ALPI: variants seen among roughly 807,000 people sequenced by gnomAD.
ALPI encodes intestinal-type alkaline phosphatase.
In ALPI, 50 loss-of-function variants were observed where a neutral mutation model predicts 51.5. That is an observed-to-expected ratio of 0.97 (90% CI 0.77 to 1.23). The LOEUF is 1.23. ALPI is among the 50% of genes most tolerant of loss of function. ALPI has a pLI of 0.00. For missense variants in ALPI, 692 were observed against 722.4 expected (o/e 0.96, Z 0.48); for synonymous variants, 322 against 308.2 (o/e 1.04, Z -0.47).
Position 232,457,085 on chromosome 2 carries a change from C to G in ALPI, c.475+12C>G. 6.2e-7 allele frequency: 1 copy of G among 1,613,332 alleles called. No individual in the cohort carries two copies. Among genetic ancestry groups the G allele is most frequent in the Non-Finnish European group, 8.5e-7 (1 of 1,179,912 alleles). ...GGCCAAGCAAGCAGGTGAGCTGGGG[C>G]CCGCTGTGGGGTCAGGACCAGGCCC... On this transcript the variant is annotated intron_variant, in intron 4 of 10. Transcript: ENST00000295463. The surrounding 1 kb of genome is among the most constrained non-coding windows in gnomAD (Gnocchi z 4.7).
At position 232,456,860 on chromosome 2, in the gene ALPI, T is replaced by C. The variant is rs1430003929; in HGVS notation, c.301-39T>C. ...CAGGTCCTTGGTTGGGGTCTGGGTG[T>C]CCGCCCCGAAGTAGAGCTCAGGGTG... On this transcript the variant is annotated intron_variant, in intron 3 of 10. Transcript: ENST00000295463. This position sits in a 1 kb window ranked among gnomAD's most constrained non-coding sequence, Gnocchi z 4.2. 4 of 1,609,552 alleles carry C rather than the reference T, an allele frequency of 2.5e-6. No individual in the cohort carries two copies. In the Admixed American group the frequency reaches 6.7e-5, roughly 27 times the overall value.
At position 232,458,846 on chromosome 2, in the gene ALPI, C is replaced by G. The variant is rs960716702; in HGVS notation, c.1301-14C>G. 2 of 1,609,642 alleles carry G rather than the reference C, an allele frequency of 1.2e-6. No homozygotes were observed. Among genetic ancestry groups the G allele is most frequent in the African/African-American group, 2.7e-5 (2 of 74,872 alleles). ...CCGCCTGCCTGCCCTGAAGTGCACT[C>G]ACCCTCCTACCAGGGAGCCCCGATT... On this transcript the variant is annotated splice_polypyrimidine_tract_variant and intron_variant, in intron 10 of 10. Coordinates refer to ENST00000295463, the MANE Select transcript of ALPI (RefSeq NM_001631.5).
chr2:232,459,142 CCT>C lies in ALPI; in HGVS notation c.1584_1585del (p.Ter529SerfsTer84). 3.3e-6 allele frequency: 5 copies of C among 1,530,688 alleles called. No homozygotes were observed. The highest frequency in any genetic ancestry group is 4.4e-6 in the Non-Finnish European group (5 of 1,144,092). 94.8% of individuals were successfully genotyped at this position (1,530,688 alleles called of 1,614,324 possible). A position where few individuals can be genotyped will look rare whatever the true frequency, so the allele number is the denominator to read the frequency against. ...CTGCTGCTGGGGGCGTCCGCTGCTC[CCT>C]GAGTGCCCCACTCCGGAGTTATCCT... On this transcript the variant is annotated frameshift_variant and stop_lost, in exon 11 of 11. Transcript: ENST00000295463. LOFTEE classifies it high-confidence loss of function.
Position 232,456,758 on chromosome 2 carries a change from G to A in ALPI, c.300+63G>A, listed in dbSNP as rs1289915657. ...GAGAGGGATCAAGGATATGGAGTGT[G>A]GCAGGAGGGAGGGAGCCAGGACAGC... On this transcript the variant is annotated intron_variant, in intron 3 of 10. Transcript: ENST00000295463. The surrounding 1 kb of genome is among the most constrained non-coding windows in gnomAD (Gnocchi z 4.2). 3 of 1,546,316 alleles carry A rather than the reference G, an allele frequency of 1.9e-6. No individual in the cohort carries two copies. The highest frequency in any genetic ancestry group is 2.7e-5 in the African/African-American group (2 of 73,232).
Position 232,456,307 on chromosome 2 carries a change from C to CTGTGGG in ALPI, c.67+41_68-41insTGTGGG. The CTGTGGG allele has an allele frequency of 6.2e-7, 1 of 1,614,150 alleles. No homozygotes were observed. On this transcript the variant is annotated intron_variant, in intron 1 of 10. Coordinates refer to ENST00000295463, the MANE Select transcript of ALPI (RefSeq NM_001631.5). The surrounding 1 kb of genome is among the most constrained non-coding windows in gnomAD (Gnocchi z 4.2). Reference sequence around the variant, plus strand: ...AAGCTGTTCCACACACAGGGCACCCCCTCAGCCAGGCTGACCTGATCTCTA... The same window carrying CTGTGGG: ...AAGCTGTTCCACACACAGGGCACCCCTGTGGGCTCAGCCAGGCTGACCTGATCTCTA...
rs147819122 is a variant in ALPI at position 232,458,887 on chromosome 2, C to A, written c.1328C>A (p.Ala443Glu). 1.9e-6 allele frequency: 3 copies of A among 1,610,276 alleles called. No homozygotes were observed. Among genetic ancestry groups the A allele is most frequent in the South Asian group, 1.1e-5 (1 of 90,868 alleles). ...SGSPDYQQQAAVPLSSETHGG... is the reference protein window; with the variant it reads ...SGSPDYQQQAEVPLSSETHGG... The stretch of plus-strand genomic sequence containing the variant: ...AGCCCCGATTACCAGCAGCAGGCGG[C>A]GGTGCCCCTGTCGTCCGAGACCCAC... The change falls in exon 11 of 11, where the codon GCG becomes GAG. Residue 443 changes from alanine (A) to glutamate (E), a missense_variant. Physicochemically the swap from Ala to Glu is moderately radical, Grantham distance 107 (BLOSUM62 -1). Coordinates refer to ENST00000295463, the MANE Select transcript of ALPI (RefSeq NM_001631.5).
chr2:232,458,885 G>C lies in ALPI; in HGVS notation c.1326G>C (p.Ala442=). 2 of 1,610,656 alleles carry C rather than the reference G, an allele frequency of 1.2e-6. No homozygotes were observed. Among genetic ancestry groups the C allele is most frequent in the African/African-American group, 2.7e-5 (2 of 75,022 alleles). ...ESGSPDYQQQ[A]AVPLSSETHG... ...GGAGCCCCGATTACCAGCAGCAGGC[G>C]GCGGTGCCCCTGTCGTCCGAGACCC... The change falls in exon 11 of 11, where the codon GCG becomes GCC. Residue 442 remains alanine, a synonymous_variant. Coordinates refer to ENST00000295463, the MANE Select transcript of ALPI (RefSeq NM_001631.5).
Position 232,458,199 on chromosome 2 carries a change from C to A in ALPI, c.992-18C>A, listed in dbSNP as rs562288246. On this transcript the variant is annotated intron_variant, in intron 8 of 10. Coordinates refer to ENST00000295463, the MANE Select transcript of ALPI (RefSeq NM_001631.5). ...GCAGGGCAGGTTCAAGCATCACCCC[C>A]CTCTGGCCTTCCTGCAGGCGGCCGC... is the stretch of plus-strand genomic sequence containing the variant. 1.2e-6 allele frequency: 2 copies of A among 1,613,930 alleles called. No individual in the cohort carries two copies. The highest frequency in any genetic ancestry group is 2.2e-5 in the East Asian group (1 of 44,872).
rs573063801 is a variant in ALPI, at chr2:232,457,104, C to G, written c.475+31C>G. Reference sequence around the variant, plus strand: ...CTGGGGCCCGCTGTGGGGTCAGGACCAGGCCCAAGATCTCGGTCACCGATC... The same window carrying G: ...CTGGGGCCCGCTGTGGGGTCAGGACGAGGCCCAAGATCTCGGTCACCGATC... On this transcript the variant is annotated intron_variant, in intron 4 of 10. Coordinates refer to ENST00000295463, the MANE Select transcript of ALPI (RefSeq NM_001631.5). The surrounding 1 kb of genome is among the most constrained non-coding windows in gnomAD (Gnocchi z 4.7). The G allele has an allele frequency of 2.3e-5, 37 of 1,613,330 alleles. No homozygotes were observed. The South Asian group carries it at 4.1e-4, about 18-fold the overall frequency.
chr2:232,456,868 G>T lies in ALPI; in HGVS notation c.301-31G>T, dbSNP rs546698962. 2 of 1,611,606 alleles carry T rather than the reference G, an allele frequency of 1.2e-6. No homozygotes were observed. The highest frequency in any genetic ancestry group is 2.2e-5 in the South Asian group (2 of 90,994). ...TGGTTGGGGTCTGGGTGTCCGCCCC[G>T]AAGTAGAGCTCAGGGTGTCTCCGTT... On this transcript the variant is annotated intron_variant, in intron 3 of 10. Coordinates refer to ENST00000295463, the MANE Select transcript of ALPI (RefSeq NM_001631.5). The surrounding 1 kb of genome is among the most constrained non-coding windows in gnomAD (Gnocchi z 4.2).
rs771730709 is a variant in ALPI, at chr2:232,456,969, C to G, written c.371C>G (p.Ala124Gly). ...ACGGCCTACCTGTGCGGGGTCAAGG[C>G]CAACTTCCAGACCATCGGCTTGAGT... ...TATAYLCGVK[A>G]NFQTIGLSAA... Residue 124 changes from alanine (A) to glycine (G), a missense_variant, in exon 4 of 11, where the codon GCC becomes GGC. Ala to Gly is a moderately conservative substitution (Grantham distance 60, BLOSUM62 0). Transcript: ENST00000295463. The surrounding 1 kb of genome is among the most constrained non-coding windows in gnomAD (Gnocchi z 4.2). 3.5e-5 allele frequency: 57 copies of G among 1,613,764 alleles called. No homozygotes were observed. The Middle Eastern group carries it at 1.2e-3, about 33-fold the overall frequency.
Position 232,458,646 on chromosome 2 carries a change from A to G in ALPI, c.1198A>G (p.Lys400Glu). ...TCTCCCTACAGGGTTGGCCCCCAGC[A>G]AGGCTCAGGACAGCAAAGCCTACAC... ...GSSIFGLAPSKAQDSKAYTSI... is the reference protein window; with the variant it reads ...GSSIFGLAPSEAQDSKAYTSI... The change falls in exon 10 of 11, where the codon AAG (lysine) becomes GAG (glutamate). Residue 400 changes from lysine (K) to glutamate (E), a missense_variant. By Grantham distance (56) the Lys-to-Glu change is moderately conservative. Transcript: ENST00000295463. 6.2e-7 allele frequency: 1 copy of G among 1,613,892 alleles called. No individual in the cohort carries two copies. The highest frequency in any genetic ancestry group is 1.3e-5 in the African/African-American group (1 of 75,040).
chr2:232,457,401 G>C lies in ALPI; in HGVS notation c.648+79G>C. 1 of 1,555,948 alleles carries C rather than the reference G, an allele frequency of 6.4e-7. No individual in the cohort carries two copies. The highest frequency in any genetic ancestry group is 8.7e-7 in the Non-Finnish European group (1 of 1,151,866). The stretch of plus-strand genomic sequence containing the variant: ...CTCAGATCCAGGCAACCAAAAGCCT[G>C]ATCTGGGTCAGCAGGTTCTGGAGGT... On this transcript the variant is annotated intron_variant, in intron 5 of 10. Transcript: ENST00000295463. The surrounding 1 kb of genome is among the most constrained non-coding windows in gnomAD (Gnocchi z 4.7).
rs202195901 is a variant in ALPI, at chr2:232,458,978, G to A, written c.1419G>A (p.Glu473=). 1,508 of 1,588,312 alleles carry A rather than the reference G, an allele frequency of 9.5e-4. 19 individuals are homozygous for A. Among genetic ancestry groups the A allele is most frequent in the Non-Finnish European group, 1.2e-4 (139 of 1,167,834 alleles). Reference sequence around the variant, plus strand: ...CGCACCTGGTGCATGGTGTGCAGGAGCAGAGCTTCGTAGCGCATGTCATGG... The same window carrying A: ...CGCACCTGGTGCATGGTGTGCAGGAACAGAGCTTCGTAGCGCATGTCATGG... ...PQAHLVHGVQ[E]QSFVAHVMAF... Residue 473 remains glutamate (E), a synonymous_variant, in exon 11 of 11, where the codon GAG becomes GAA. Transcript: ENST00000295463.
In ALPI at chr2:232,456,379, G is replaced by T. The variant is rs61732026; in HGVS notation, c.98G>T (p.Arg33Leu). The change falls in exon 2 of 11, where the codon CGC becomes CTC. Residue 33 changes from arginine (R) to leucine (L), a missense_variant. Coordinates refer to ENST00000295463, the MANE Select transcript of ALPI (RefSeq NM_001631.5). The surrounding 1 kb of genome is among the most constrained non-coding windows in gnomAD (Gnocchi z 4.2). ...AEEENPAFWN[R>L]QAAEALDAAK... The stretch of plus-strand genomic sequence containing the variant: ...GAGGAGAACCCGGCCTTCTGGAACC[G>T]CCAGGCAGCTGAGGCCCTGGATGCT... 2,308 of 1,614,020 alleles carry T rather than the reference G, an allele frequency of 1.4e-3. 22 individuals carry two copies. The African/African-American group carries it at 0.027, about 19-fold the overall frequency.
Position 232,457,348 on chromosome 2 carries a change from G to T in ALPI, c.648+26G>T. On this transcript the variant is annotated intron_variant, in intron 5 of 10. Coordinates refer to ENST00000295463, the MANE Select transcript of ALPI (RefSeq NM_001631.5). This position sits in a 1 kb window ranked among gnomAD's most constrained non-coding sequence, Gnocchi z 4.7. ...GTGCGACCCCCGGGCCAAGGGCTGGGGCTGGGCAGAGGGGAAGGTGGCACA... is the reference window on the plus strand; with the variant it reads ...GTGCGACCCCCGGGCCAAGGGCTGGTGCTGGGCAGAGGGGAAGGTGGCACA... The T allele has an allele frequency of 1.3e-6, 2 of 1,583,272 alleles. No homozygotes were observed. Among genetic ancestry groups the T allele is most frequent in the Non-Finnish European group, 1.7e-6 (2 of 1,164,204 alleles).
chr2:232,458,079 C>T lies in ALPI; in HGVS notation c.938C>T (p.Ala313Val), dbSNP rs1401269543. 6.2e-7 allele frequency: 1 copy of T among 1,613,872 alleles called. No homozygotes were observed. Among genetic ancestry groups the T allele is most frequent in the Non-Finnish European group, 8.5e-7 (1 of 1,179,986 alleles). Reference protein sequence around the residue: ...LDPSLMEMTEAALRLLSRNPR... With the variant: ...LDPSLMEMTEVALRLLSRNPR... ...CCCTCCCTGATGGAGATGACAGAGG[C>T]TGCCCTGCGCCTGCTGAGCAGGAAC... Residue 313 changes from alanine (A) to valine (V), a missense_variant, in exon 8 of 11, where the codon GCT becomes GTT. Physicochemically the swap from Ala to Val is moderately conservative, Grantham distance 64. Coordinates refer to ENST00000295463, the MANE Select transcript of ALPI (RefSeq NM_001631.5).
chr2:232,458,011 C>G lies in ALPI; in HGVS notation c.870C>G (p.Pro290=), dbSNP rs145002990. Residue 290 remains proline (P), a synonymous_variant, in exon 8 of 11, where the codon CCC becomes CCG. Coordinates refer to ENST00000295463, the MANE Select transcript of ALPI (RefSeq NM_001631.5). ...CTTGTCCCACAGGCCTCTTTGAGCC[C>G]GGAGACACGAAATATGAGATCCACC... The part of the protein sequence containing the change: ...SVTHLMGLFE[P]GDTKYEIHRD... 1.2e-6 allele frequency: 2 copies of G among 1,613,482 alleles called. No homozygotes were observed. The highest frequency in any genetic ancestry group is 1.3e-5 in the African/African-American group (1 of 74,792).
chr2:232,458,862 A>T lies in ALPI; in HGVS notation c.1303A>T (p.Ser435Cys), dbSNP rs1397255661. Residue 435 changes from serine to cysteine, a missense_variant and splice_region_variant, in exon 11 of 11, where the codon AGC becomes TGC. By Grantham distance (112) the Ser-to-Cys change is moderately radical. Transcript: ENST00000295463. ...RPDVNESESG[S>C]PDYQQQAAVP... The stretch of plus-strand genomic sequence containing the variant: ...AAGTGCACTCACCCTCCTACCAGGG[A>T]GCCCCGATTACCAGCAGCAGGCGGC... 2 of 1,610,042 alleles carry T rather than the reference A, an allele frequency of 1.2e-6. No individual in the cohort carries two copies. Among genetic ancestry groups the T allele is most frequent in the Non-Finnish European group, 1.7e-6 (2 of 1,178,714 alleles).
Sources: allele counts gnomAD v4.1 joint callset, GRCh38; gene constraint gnomAD v4.1.1; non-coding constraint Gnocchi (gnomAD v3.1); transcripts MANE v1.5; gene names NCBI Gene and HGNC (gene_info 2026-07-23, HGNC 2026-07-21).